KAZN: variants seen among roughly 807,000 people sequenced by gnomAD.
The protein encoded by KAZN is kazrin.
A neutral mutation model predicts 87.4 loss-of-function variants in KAZN; 40 were observed. The observed-to-expected ratio is 0.46, with a 90% CI of 0.36 to 0.60. KAZN has a LOEUF of 0.60. Ranked by LOEUF, KAZN falls within the 20% of genes least tolerant of loss-of-function variation. The pLI is 0.00. For synonymous variants in KAZN, 466 were observed against 458.3 expected, an observed-to-expected ratio of 1.02 and a Z score of -0.22; for missense variants, 898 against 1,073.9, an observed-to-expected ratio of 0.84 and a Z score of 2.29.
At chr1:14,040,784 A>AAAATT (rs765280671) in intron 1 of KAZN, among the ~76,000 whole-genome samples, 17 of 133,466 alleles carry the variant, frequency 1.3e-4, no homozygotes, top group African/African-American at 4.3e-4. Context: ...AAAATAAAAT[A>AAAATT]AAATTAAATT....
intron 2 of KAZN, among the ~76,000 whole-genome samples, chr1:14,208,591 G>A (rs1646790577): frequency 6.6e-6 from 1 of 152,180 alleles, no homozygotes; most frequent in South Asian, 2.1e-4. Context: ...ATTACAAATA[G>A]CAATGAGTAT....
At chr1:14,868,560 A>T (rs1651790289) in intron 1 of KAZN, among the ~76,000 whole-genome samples, 1 of 151,908 alleles carries the variant, frequency 6.6e-6, no homozygotes, top group South Asian at 2.1e-4. Flanking sequence ...AACCATTACC[A>T]CTTTTCCACT....
intron 1 of KAZN, among the ~76,000 whole-genome samples, chr1:14,135,373 G>A (rs182675995): frequency 3.3e-5 from 5 of 152,278 alleles, no homozygotes; most frequent in East Asian, 1.9e-4. Flanking sequence ...TAGTCTTAGC[G>A]AGGCTTTGAC....
intron 1 of KAZN, among the ~76,000 whole-genome samples, chr1:13,989,344 G>A (rs545820169): frequency 6.6e-6 from 1 of 152,124 alleles, no homozygotes; most frequent in East Asian, 1.9e-4. Context: ...TCTGGGTACT[G>A]TGGGGTTACA....
intron 2 of KAZN, among the ~76,000 whole-genome samples, chr1:14,219,474 C>A (rs938531574): frequency 6.6e-6 from 1 of 152,036 alleles, no homozygotes; most frequent in East Asian, 1.9e-4. Flanking sequence ...ATATAATGTA[C>A]CTTTTTATTA....
intron 2 of KAZN, among the ~76,000 whole-genome samples, chr1:14,592,024 C>T (rs563234261): frequency 1.3e-5 from 2 of 152,154 alleles, no homozygotes; most frequent in African/African-American, 4.8e-5. Flanking sequence ...TTCTCTACGG[C>T]TCTGTTCCCT....
chr1:14,684,444 G>T (rs1174095321), intron 1 of KAZN, among the ~76,000 whole-genome samples: 1 of 152,198 alleles, frequency 6.6e-6, no homozygotes, highest in Non-Finnish European at 1.5e-5. Flanking sequence ...GTTGGTTGGT[G>T]TGTTCATTTC....
chr1:14,206,318 T>A (rs1201790908), intron 2 of KAZN, among the ~76,000 whole-genome samples: 1 of 152,196 alleles, frequency 6.6e-6, no homozygotes, highest in Non-Finnish European at 1.5e-5. Context: ...ACAGAATAAT[T>A]GTACTTATAT....
At chr1:14,444,492 A>C (rs1161103655) in intron 2 of KAZN, among the ~76,000 whole-genome samples, 1 of 151,830 alleles carries the variant, frequency 6.6e-6, no homozygotes, top group Non-Finnish European at 1.5e-5. Flanking sequence ...TTGTATTTTT[A>C]GTAGAGATGG....
At chr1:15,040,720 C>T (rs1414677895) in intron 3 of KAZN, among the ~76,000 whole-genome samples, 2 of 151,546 alleles carry the variant, frequency 1.3e-5, no homozygotes, top group African/African-American at 4.8e-5. Context: ...CAGCCAAGAT[C>T]GCACCACTAC....
At chr1:14,417,363 G>C (rs1285747395) in intron 2 of KAZN, among the ~76,000 whole-genome samples, 1 of 152,194 alleles carries the variant, frequency 6.6e-6, no homozygotes, top group African/African-American at 2.4e-5. Flanking sequence ...GTTACAGTGA[G>C]GTTCTTCGCC....
intron 1 of KAZN, among the ~76,000 whole-genome samples, chr1:14,107,698 A>T (rs1236013852): frequency 6.6e-6 from 1 of 152,152 alleles, no homozygotes; most frequent in Non-Finnish European, 1.5e-5. Flanking sequence ...CCTATGAGAT[A>T]GGGTGGGCGG....
chr1:14,283,245 G>T (rs1219823770), intron 2 of KAZN, among the ~76,000 whole-genome samples: 1 of 152,074 alleles, frequency 6.6e-6, no homozygotes, highest in African/African-American at 2.4e-5. Context: ...AAGGCATTTT[G>T]TCAAGTCCCC....
chr1:14,944,361 G>T (rs1661491121), intron 1 of KAZN, among the ~76,000 whole-genome samples: 1 of 152,226 alleles, frequency 6.6e-6, no homozygotes. Context: ...TTCTAGTCCT[G>T]AAAGGTTGTG....
chr1:14,805,066 T>C (rs1399229870), intron 1 of KAZN, among the ~76,000 whole-genome samples: 1 of 152,232 alleles, frequency 6.6e-6, no homozygotes, highest in African/African-American at 2.4e-5. Flanking sequence ...GAGAAAACCG[T>C]ACCTGTTGTG....
chr1:14,887,627 G>A (rs995682366), intron 1 of KAZN, among the ~76,000 whole-genome samples: 7 of 151,526 alleles, frequency 4.6e-5, no homozygotes, highest in African/African-American at 1.2e-4. Context: ...AGACTACCAC[G>A]AGGAGCCCCA....
intron 4 of KAZN, among the ~76,000 whole-genome samples, chr1:15,054,329 C>T (rs1392931100): frequency 6.6e-6 from 1 of 152,092 alleles, no homozygotes. Context: ...CTCCCTGTCT[C>T]CTCTGCCCTG....
intron 1 of KAZN, among the ~76,000 whole-genome samples, chr1:14,684,970 G>A (rs919216951): frequency 7.9e-5 from 12 of 152,168 alleles, no homozygotes; most frequent in African/African-American, 2.9e-4. Flanking sequence ...ATGGGATTGT[G>A]TACATGGTGA....
At chr1:14,703,192 T>C (rs1473593240) in intron 1 of KAZN, among the ~76,000 whole-genome samples, 2 of 152,184 alleles carry the variant, frequency 1.3e-5, no homozygotes, top group African/African-American at 4.8e-5. Flanking sequence ...ATGGAGGAGA[T>C]TGGTCAAGAG....
Sources: gnomAD v4.1 joint callset for allele counts (sites outside exome capture counted in the v4.1 genomes callset) on GRCh38, gnomAD v4.1.1 for gene constraint, MANE v1.5 for transcripts, NCBI Gene and HGNC (gene_info 2026-07-23, HGNC 2026-07-21) for gene names.